ASTN2: variants seen among roughly 807,000 people sequenced by gnomAD.
ASTN2 encodes astrotactin-2.
A neutral mutation model predicts 139.8 loss-of-function variants in ASTN2; 54 were observed. The ratio of observed to expected loss-of-function variants is 0.39; its 90% confidence interval spans 0.31 to 0.48. The LOEUF (loss-of-function observed/expected upper bound fraction) is 0.48, where lower values mean the gene tolerates loss of function less well. Among genes scored for constraint, ASTN2 ranks in the 20% least tolerant of loss-of-function variants. The pLI is 0.95. For missense variants in ASTN2, 1,565 were observed against 1,725.1 expected (o/e 0.91, Z 1.64); for synonymous variants, 756 against 719.5 (o/e 1.05, Z -0.81).
intron 1 of ASTN2, among the ~76,000 whole-genome samples, chr9:117,397,363 T>TA (rs1250591155): frequency 2.0e-5 from 3 of 151,962 alleles, no homozygotes; most frequent in East Asian, 1.9e-4. Context: ...TTATACTATT[T>TA]AAAAAAAACA....
intron 10 of ASTN2, among the ~76,000 whole-genome samples, chr9:116,882,242 A>G (rs934864176): frequency 6.6e-6 from 1 of 152,188 alleles, no homozygotes; most frequent in Non-Finnish European, 1.5e-5. Flanking sequence ...CATGGCAGAA[A>G]GACTATTAGA....
At chr9:117,136,734 T>A (rs1829960777) in intron 4 of ASTN2, among the ~76,000 whole-genome samples, 1 of 152,082 alleles carries the variant, frequency 6.6e-6, no homozygotes, top group Non-Finnish European at 1.5e-5. Flanking sequence ...GGAAGATGGA[T>A]TTATGAGACG....
chr9:117,060,457 A>AAAGGAAGG (rs767897842), intron 5 of ASTN2, among the ~76,000 whole-genome samples: 11 of 61,460 alleles, frequency 1.8e-4, no homozygotes, highest in African/African-American at 8.7e-4. Context: ...AGAAAGAAAG[A>AAAGGAAGG]AAGGAAGGAA....
chr9:116,922,569 C>T (rs554738127), intron 10 of ASTN2, among the ~76,000 whole-genome samples: 12 of 152,240 alleles, frequency 7.9e-5, no homozygotes, highest in Non-Finnish European at 1.8e-4. Flanking sequence ...ATAGTAAAAA[C>T]ATGTGATAAT....
In ASTN2 at chr9:116,642,733, A is replaced by G. The variant is rs144765778; in HGVS notation, c.3072+8795T>C. Among the ~76,000 whole-genome samples the G allele has an allele frequency of 1.6e-4, 24 of 152,262 alleles. No individual in the cohort carries two copies. In the East Asian group the frequency reaches 4.5e-3, roughly 28 times the overall value. On this transcript the variant is annotated intron_variant, in intron 17 of 22. Coordinates refer to ENST00000313400, the MANE Select transcript of ASTN2 (RefSeq NM_001365068.1). The stretch of plus-strand genomic sequence containing the variant: ...CCAAATTAACAACCCTTGCCATAAA[A>G]TCAGTCCTGGTCCCCGCAATTCATC...
At chr9:117,220,575 C>G (rs555370960) in intron 2 of ASTN2, among the ~76,000 whole-genome samples, 2 of 152,190 alleles carry the variant, frequency 1.3e-5, no homozygotes, top group South Asian at 4.2e-4. Context: ...GGAAGAAGCT[C>G]ACATGAAGAT....
At chr9:116,778,675 T>C (rs138279749) in intron 13 of ASTN2, among the ~76,000 whole-genome samples, 1 of 152,322 alleles carries the variant, frequency 6.6e-6, no homozygotes, top group Non-Finnish European at 1.5e-5. Flanking sequence ...GCACCCATCC[T>C]TGTCAAAATT....
At position 117,214,709 on chromosome 9, in the gene ASTN2, C is replaced by CCAG. The variant is rs750505669; in HGVS notation, c.661_663dup (p.Leu221dup). Reference sequence around the variant, plus strand: ...TGGGCGTACAGCGCCACGGTGAACACCAGCAGCAGCAGCAGCAGCGCGATG... The same window carrying CCAG: ...TGGGCGTACAGCGCCACGGTGAACACCAGCAGCAGCAGCAGCAGCAGCGCGATG... On this transcript the variant is annotated inframe_insertion, in exon 3 of 23. Transcript: ENST00000313400. The CCAG allele has an allele frequency of 3.5e-5, 53 of 1,510,228 alleles. No homozygotes were observed. Among genetic ancestry groups the CCAG allele is most frequent in the Middle Eastern group, 1.8e-4 (1 of 5,566 alleles). The allele number at this position is 1,510,228 out of a possible 1,614,324, so 93.6% of individuals were successfully genotyped here. A position where few individuals can be genotyped will look rare whatever the true frequency, so the allele number is the denominator to read the frequency against.
intron 1 of ASTN2, among the ~76,000 whole-genome samples, chr9:117,349,228 A>G (rs1042187108): frequency 6.6e-6 from 1 of 152,178 alleles, no homozygotes; most frequent in Non-Finnish European, 1.5e-5. Flanking sequence ...TCCCAAGGAG[A>G]GATCACCAAG....
chr9:116,501,313 G>A (rs1293314336), intron 19 of ASTN2, among the ~76,000 whole-genome samples: 12 of 152,192 alleles, frequency 7.9e-5, no homozygotes, highest in Non-Finnish European at 1.5e-4. Context: ...TTTTATGCCT[G>A]CATAGTATTC....
chr9:116,904,893 C>T (rs1393797785), intron 10 of ASTN2, among the ~76,000 whole-genome samples: 2 of 152,160 alleles, frequency 1.3e-5, no homozygotes, highest in Non-Finnish European at 2.9e-5. Flanking sequence ...CGTTACAGCT[C>T]TATGTTTGCA....
intron 1 of ASTN2, among the ~76,000 whole-genome samples, chr9:117,384,708 G>A (rs1206891529): frequency 6.6e-6 from 1 of 152,150 alleles, no homozygotes; most frequent in African/African-American, 2.4e-5. Flanking sequence ...CATCTGCTAA[G>A]ACTCAGAACA....
Position 116,786,785 on chromosome 9 carries a change from T to G in ASTN2, c.2396+18847A>C, listed in dbSNP as rs571961518. The stretch of plus-strand genomic sequence containing the variant: ...CCCACTGAAATCTCATCTTGAATTG[T>G]GGTTCCCATTATCTCCATGGGTCCT... On this transcript the variant is annotated intron_variant, in intron 13 of 22. Transcript: ENST00000313400. Among the ~76,000 whole-genome samples the G allele has an allele frequency of 6.6e-5, 10 of 152,336 alleles. No individual in the cohort carries two copies. The South Asian group carries it at 1.9e-3, about 28-fold the overall frequency.
chr9:116,851,198 G>A (rs1832588810), intron 11 of ASTN2, among the ~76,000 whole-genome samples: 1 of 152,100 alleles, frequency 6.6e-6, no homozygotes, highest in African/African-American at 2.4e-5. Flanking sequence ...ACATAAAAGA[G>A]CTGCTCTATG....
At chr9:116,509,261 TG>T (rs1171455284) in intron 19 of ASTN2, among the ~76,000 whole-genome samples, 1 of 152,184 alleles carries the variant, frequency 6.6e-6, no homozygotes, top group Non-Finnish European at 1.5e-5. Context: ...ATGCAGTGTT[TG>T]GTTTTTTGTC....
At chr9:116,447,966 A>T (rs1848053178) in intron 20 of ASTN2, among the ~76,000 whole-genome samples, 1 of 152,122 alleles carries the variant, frequency 6.6e-6, no homozygotes, top group Non-Finnish European at 1.5e-5. Context: ...AGAGAATGAA[A>T]CCAAGAAGTT....
chr9:117,156,140 TG>T, intron 3 of ASTN2, among the ~76,000 whole-genome samples: 1 of 152,192 alleles, frequency 6.6e-6, no homozygotes, highest in Non-Finnish European at 1.5e-5. Context: ...CTAATATTAA[TG>T]TTTAACATGT....
intron 4 of ASTN2, among the ~76,000 whole-genome samples, chr9:117,109,304 T>C (rs982259153): frequency 4.0e-5 from 6 of 149,854 alleles, no homozygotes; most frequent in African/African-American, 1.5e-4. Context: ...AATAAATAAA[T>C]AAACAAACAC....
At chr9:117,100,745 T>G (rs1022498321) in intron 4 of ASTN2, among the ~76,000 whole-genome samples, 1 of 152,180 alleles carries the variant, frequency 6.6e-6, no homozygotes, top group Non-Finnish European at 1.5e-5. Flanking sequence ...AAAAAACAAT[T>G]TGGATTTTTG....
Sources: allele counts gnomAD v4.1 joint callset (sites outside exome capture counted in the v4.1 genomes callset), GRCh38; gene constraint gnomAD v4.1.1; transcripts MANE v1.5; gene names NCBI Gene and HGNC (gene_info 2026-07-23, HGNC 2026-07-21).